Variants in CUL3 observed in about 807,000 individuals in gnomAD.
CUL3 encodes cullin 3, also known as cullin-3.
Under a neutral mutation model 89.1 loss-of-function variants are expected in CUL3, and 19 were observed. The observed-to-expected ratio is 0.21, with a 90% CI of 0.15 to 0.31. The LOEUF (loss-of-function observed/expected upper bound fraction) is 0.31, where lower values mean the gene tolerates loss of function less well. Among genes scored for constraint, CUL3 ranks in the 10% least tolerant of loss-of-function variants. The pLI is 1.00. For missense variants in CUL3, 469 were observed against 942.3 expected (o/e 0.50, Z 6.58); for synonymous variants, 351 against 308.4 (o/e 1.14, Z -1.45).
intron 6 of CUL3, among the ~76,000 whole-genome samples, chr2:224,510,525 T>A (rs1209554923): frequency 1.3e-5 from 2 of 152,110 alleles, no homozygotes; most frequent in Non-Finnish European, 2.9e-5. Flanking sequence ...ACAGGCAATA[T>A]GTATTTCTTT....
rs765238551 is a variant in CUL3, at chr2:224,585,051, C to G, written c.-42G>C. ...CCGGCGGCGGCTTCAGGTCGCGCTC[C>G]GCGACGCCGGTGTCACATTTAAGGC... On this transcript the variant is annotated 5_prime_UTR_variant, in exon 1 of 16. Transcript: ENST00000264414. 10 of 1,447,698 alleles carry G rather than the reference C, an allele frequency of 6.9e-6. No individual in the cohort carries two copies. The highest frequency in any genetic ancestry group is 1.9e-6 in the Non-Finnish European group (2 of 1,079,900). The allele number at this position is 1,447,698 out of a possible 1,614,324, so 89.7% of individuals were successfully genotyped here.
intron 2 of CUL3, among the ~76,000 whole-genome samples, chr2:224,539,172 C>T (rs1316869846): frequency 6.6e-6 from 1 of 152,080 alleles, no homozygotes; most frequent in African/African-American, 2.4e-5. Context: ...TGACAGACAC[C>T]TAACCAAAGA....
chr2:224,572,321 T>C (rs1695198275), intron 1 of CUL3, among the ~76,000 whole-genome samples: 1 of 152,114 alleles, frequency 6.6e-6, no homozygotes, highest in Non-Finnish European at 1.5e-5. Flanking sequence ...AAATTCATGT[T>C]GAAATTTAAT....
chr2:224,563,298 C>T (rs908947114), intron 1 of CUL3: 1 of 470,734 alleles, frequency 2.1e-6, no homozygotes, highest in African/African-American at 2.0e-5. Context: ...GAACTCTGTC[C>T]TTGGCTCTTG....
At chr2:224,529,871 T>C (rs4673111) in intron 3 of CUL3, among the ~76,000 whole-genome samples, 27,685 of 152,058 alleles carry the variant, frequency 0.18, 2,843 homozygotes, top group South Asian at 0.27. Context: ...TGACTTTATT[T>C]ACATTTTCAA....
At chr2:224,564,987 C>T (rs1210933641) in intron 1 of CUL3, among the ~76,000 whole-genome samples, 1 of 152,164 alleles carries the variant, frequency 6.6e-6, no homozygotes, top group Non-Finnish European at 1.5e-5. Context: ...GTACTACTGA[C>T]ATTAACCCCA....
At chr2:224,545,635 G>C (rs1694266491) in intron 2 of CUL3, among the ~76,000 whole-genome samples, 1 of 152,158 alleles carries the variant, frequency 6.6e-6, no homozygotes. Context: ...ATGTATTTAT[G>C]TTTGCTTCCA....
At chr2:224,518,523 A>C (rs1409169076) in intron 3 of CUL3, among the ~76,000 whole-genome samples, 1 of 152,130 alleles carries the variant, frequency 6.6e-6, no homozygotes, top group East Asian at 1.9e-4. Flanking sequence ...AAATTATCAA[A>C]CTTTTCTAAG....
intron 1 of CUL3, among the ~76,000 whole-genome samples, chr2:224,584,650 G>A (rs981952234): frequency 3.3e-5 from 5 of 151,516 alleles, no homozygotes; most frequent in African/African-American, 7.3e-5. Flanking sequence ...GAGGCGTGGG[G>A]CGGCCGAGGG....
intron 1 of CUL3, among the ~76,000 whole-genome samples, chr2:224,581,503 CTT>C (rs1695436253): frequency 6.7e-6 from 1 of 148,858 alleles, no homozygotes; most frequent in Non-Finnish European, 1.5e-5. Flanking sequence ...TATAATTTTT[CTT>C]TTCTTTTTTT....
intron 3 of CUL3, among the ~76,000 whole-genome samples, chr2:224,516,961 C>CATGA (rs1693076382): frequency 6.6e-6 from 1 of 152,120 alleles, no homozygotes; most frequent in Non-Finnish European, 1.5e-5. Context: ...TTTCATCTCA[C>CATGA]ATGACCTCCA....
intron 13 of CUL3, among the ~76,000 whole-genome samples, chr2:224,488,243 TCAGAACTGAAGGAGATAAGAGAAAA>T (rs372720527): frequency 1.3e-3 from 187 of 148,250 alleles, no homozygotes; most frequent in African/African-American, 3.4e-3. Flanking sequence ...ATAACTAACA[TCAGAACTGAAGGAGATAAGAGAAAA>T]CAGAACTGAA....
At chr2:224,569,670 C>A in intron 1 of CUL3, 1 of 1,077,038 alleles carries the variant, frequency 9.3e-7, no homozygotes, top group Non-Finnish European at 1.1e-6. Context: ...GAAAGGATGT[C>A]AGTCTATTAT....
chr2:224,482,326 T>C (rs3820764), intron 13 of CUL3, among the ~76,000 whole-genome samples: 1 of 152,082 alleles, frequency 6.6e-6, no homozygotes, highest in Non-Finnish European at 1.5e-5. Context: ...GGAGATACAA[T>C]GGCTAATCCA....
At chr2:224,479,259 T>TG (rs1317808491) in intron 14 of CUL3, 1 of 152,114 alleles carries the variant, frequency 6.6e-6, no homozygotes, top group Non-Finnish European at 1.5e-5. Context: ...ATCATTCTGG[T>TG]GTGCGTATCC....
chr2:224,581,813 C>T (rs1695445157), intron 1 of CUL3, among the ~76,000 whole-genome samples: 1 of 151,812 alleles, frequency 6.6e-6, no homozygotes, highest in African/African-American at 2.4e-5. Flanking sequence ...ATCACCTTGC[C>T]CGGCCGAGTG....
intron 1 of CUL3, among the ~76,000 whole-genome samples, chr2:224,574,172 T>TC (rs2106323340): frequency 6.6e-6 from 1 of 152,322 alleles, no homozygotes; most frequent in South Asian, 2.1e-4. Flanking sequence ...AGGTAAAAAT[T>TC]CCCCTTTGAA....
intron 1 of CUL3, chr2:224,562,990 G>A (rs185617577): frequency 4.8e-5 from 10 of 208,332 alleles, no homozygotes; most frequent in Admixed American, 3.0e-4. Context: ...AAATGAGAAC[G>A]TCAGTAGATT....
rs368100061 is a variant in CUL3, at chr2:224,509,618, T to C, written c.883+1736A>G. On this transcript the variant is annotated intron_variant, in intron 6 of 15. Transcript: ENST00000264414. ...AGGAGAACTCTGGTGAGTACTATTATGGTATTCCTTCATTCACGTAAGTGC... is the reference window on the plus strand; with the variant it reads ...AGGAGAACTCTGGTGAGTACTATTACGGTATTCCTTCATTCACGTAAGTGC... 4.6e-5 allele frequency among the ~76,000 whole-genome samples: 7 copies of C among 152,244 alleles called. No homozygotes were observed. In the East Asian group the frequency reaches 1.2e-3, roughly 25 times the overall value.
Sources: allele counts gnomAD v4.1 joint callset (sites outside exome capture counted in the v4.1 genomes callset), GRCh38; gene constraint gnomAD v4.1.1; transcripts MANE v1.5; gene names NCBI Gene and HGNC (gene_info 2026-07-23, HGNC 2026-07-21).